The following MYH14 variants were observed in gnomAD, a reference collection of about 807,000 sequenced individuals.
The protein encoded by MYH14 is myosin heavy chain 14.
A neutral mutation model predicts 255.5 loss-of-function variants in MYH14; 123 were observed. The observed-to-expected ratio is 0.48, with a 90% CI of 0.42 to 0.56. The LOEUF (loss-of-function observed/expected upper bound fraction) is 0.56. Among genes scored for constraint, MYH14 ranks in the 20% least tolerant of loss-of-function variants. The probability of loss-of-function intolerance (pLI) is 0.00; values close to 1 mark genes in which losing one functional copy is unlikely to be tolerated. For synonymous variants in MYH14, 1,095 were observed against 1,161.2 expected (o/e 0.94, Z 1.16); for missense variants, 2,423 against 2,802.3 (o/e 0.86, Z 3.06).
intron 23 of MYH14, 61 bp from the exon 24 acceptor site, chr19:50,268,100 C>A: frequency 1.3e-6 from 2 of 1,511,346 alleles, no homozygotes; most frequent in South Asian, 1.2e-5. Flanking sequence ...CAGTAGGCAC[C>A]CAGTGCAGGT....
rs1360233657 is a variant in MYH14, at chr19:50,261,475, A to G, written c.2425A>G (p.Ile809Val). Residue 809 changes from isoleucine to valine, a missense_variant and splice_region_variant, in exon 21 of 43, where the codon ATC becomes GTC. Coordinates refer to ENST00000642316, the MANE Select transcript of MYH14 (RefSeq NM_001145809.2). ...ATCACCCCTCTCCCACCCCTCACAG[A>G]TCCAGGCGCTGGAACTGGACCCCAA... The part of the protein sequence containing the change: ...MDGKQACEKM[I>V]QALELDPNLY... 3 of 1,363,440 alleles carry G rather than the reference A, an allele frequency of 2.2e-6. No individual in the cohort carries two copies. The Admixed American group carries it at 7.9e-5, about 36-fold the overall frequency. 84.5% of individuals were successfully genotyped at this position (1,363,440 alleles called of 1,614,324 possible). A position where few individuals can be genotyped will look rare whatever the true frequency, so the allele number is the denominator to read the frequency against.
At chr19:50,212,343 T>G (rs1368023382) in intron 2 of MYH14, among the ~76,000 whole-genome samples, 1 of 152,142 alleles carries the variant, frequency 6.6e-6, no homozygotes, top group Non-Finnish European at 1.5e-5. Context: ...TTAGAGAGAT[T>G]GACAAGGAAT....
chr19:50,215,249 C>T (rs746962799), intron 2 of MYH14, among the ~76,000 whole-genome samples: 27 of 152,248 alleles, frequency 1.8e-4, no homozygotes, highest in Non-Finnish European at 2.6e-4. Flanking sequence ...TGGGTTCCTC[C>T]GCCAGCCAGG....
At chr19:50,261,682 T>G in intron 21 of MYH14, 47 bp downstream of exon 21, 1 of 1,528,106 alleles carries the variant, frequency 6.5e-7, no homozygotes, top group Non-Finnish European at 8.8e-7. Context: ...CGAGACTGGG[T>G]CAGGGAGGGG....
intron 24 of MYH14, 56 bp downstream of exon 24, chr19:50,268,423 T>C (rs1409539891): frequency 1.3e-6 from 2 of 1,508,042 alleles, no homozygotes; most frequent in Non-Finnish European, 1.8e-6. Context: ...GTCTACACCA[T>C]CCACCTTTGC....
chr19:50,235,157 A>C (rs2033601066), intron 10 of MYH14, among the ~76,000 whole-genome samples: 2 of 152,234 alleles, frequency 1.3e-5, no homozygotes, highest in South Asian at 4.1e-4. Flanking sequence ...CAGGAGTTCG[A>C]GACCAGCCTG....
At chr19:50,214,905 TA>T (rs2032391048) in intron 2 of MYH14, among the ~76,000 whole-genome samples, 1 of 152,204 alleles carries the variant, frequency 6.6e-6, no homozygotes, top group Admixed American at 6.5e-5. Flanking sequence ...GGCTGGTTTT[TA>T]TCCATGATCT....
In MYH14 at chr19:50,217,761, C is replaced by T. The variant is rs1371704376; in HGVS notation, c.552C>T (p.Ser184=). The T allele has an allele frequency of 1.9e-6, 3 of 1,613,524 alleles. No individual in the cohort carries two copies. Among genetic ancestry groups the T allele is most frequent in the Non-Finnish European group, 2.5e-6 (3 of 1,179,844 alleles). The part of the protein sequence containing the change: ...VYAVTEGAYR[S]MLQDREDQSI... ...CAGTGACCGAGGGGGCCTATCGGAGCATGCTGCAGGGTGAGTGCTGGGTGG... is the reference window on the plus strand; with the variant it reads ...CAGTGACCGAGGGGGCCTATCGGAGTATGCTGCAGGGTGAGTGCTGGGTGG... The change falls in exon 3 of 43, where the codon AGC becomes AGT. Residue 184 remains serine, a synonymous_variant. Transcript: ENST00000642316.
chr19:50,213,644 C>T (rs1227074430), intron 2 of MYH14, among the ~76,000 whole-genome samples: 1 of 152,134 alleles, frequency 6.6e-6, no homozygotes, highest in Non-Finnish European at 1.5e-5. Flanking sequence ...CTGCTGGGTG[C>T]TGTTCTAAAT....
At chr19:50,274,247 T>G (rs940277621) in intron 27 of MYH14, among the ~76,000 whole-genome samples, 2 of 152,140 alleles carry the variant, frequency 1.3e-5, no homozygotes, top group Non-Finnish European at 2.9e-5. Flanking sequence ...TTCAGTAGAT[T>G]TTGCCCATTC....
At chr19:50,240,422 T>G (rs2033845937) in intron 10 of MYH14, among the ~76,000 whole-genome samples, 1 of 151,772 alleles carries the variant, frequency 6.6e-6, no homozygotes, top group African/African-American at 2.4e-5. Flanking sequence ...GGACAAAACA[T>G]TTTTTTAAAT....
intron 2 of MYH14, among the ~76,000 whole-genome samples, chr19:50,217,143 T>C (rs955461804): frequency 3.9e-5 from 6 of 152,152 alleles, no homozygotes; most frequent in African/African-American, 1.4e-4. Flanking sequence ...AAATGGTAGC[T>C]CCTCACGCAG....
intron 33 of MYH14, among the ~76,000 whole-genome samples, chr19:50,282,769 G>GC (rs1187771888): frequency 2.6e-5 from 4 of 152,148 alleles, no homozygotes; most frequent in African/African-American, 7.2e-5. Flanking sequence ...GGTGCAGTAT[G>GC]TTTTTCTAGC....
intron 7 of MYH14, 46 bp downstream of exon 7, chr19:50,225,723 A>T: frequency 6.7e-7 from 1 of 1,482,130 alleles, no homozygotes; most frequent in Non-Finnish European, 9.4e-7. Flanking sequence ...GGGATACAGG[A>T]GCTGGGAACC....
chr19:50,286,916 A>G lies in MYH14; in HGVS notation c.4752+222A>G, dbSNP rs1963860. 0.36 allele frequency among the ~76,000 whole-genome samples: 54,461 copies of G among 152,012 alleles called. 10,721 individuals are homozygous for G. The highest frequency in any genetic ancestry group is 0.52 in the African/African-American group (21,525 of 41,428). ...GCGGATCACCTGAGGTCAGGAGCTCAAGACCAGCCTGGCCAATGTGGTGAA... is the reference window on the plus strand; with the variant it reads ...GCGGATCACCTGAGGTCAGGAGCTCGAGACCAGCCTGGCCAATGTGGTGAA... On this transcript the variant is annotated intron_variant, in intron 34 of 42. Transcript: ENST00000642316.
At chr19:50,212,978 G>A (rs1364266595) in intron 2 of MYH14, among the ~76,000 whole-genome samples, 1 of 151,984 alleles carries the variant, frequency 6.6e-6, no homozygotes, top group African/African-American at 2.4e-5. Context: ...TTTGAGACAG[G>A]GTCTCACTCT....
rs1009557995 is a variant in MYH14, at chr19:50,266,499, C to A, written c.2695-378C>A. ...GCTTGAACCTGGGAGGCAGAGGTTG[C>A]AGTGAGCCGAGATCCCACCACTGCA... On this transcript the variant is annotated intron_variant, in intron 22 of 42. Coordinates refer to ENST00000642316, the MANE Select transcript of MYH14 (RefSeq NM_001145809.2). The surrounding 1 kb of genome is among the most constrained non-coding windows in gnomAD (Gnocchi z 4.1). Among the ~76,000 whole-genome samples the A allele has an allele frequency of 2.0e-5, 3 of 152,064 alleles. No individual in the cohort carries two copies. Among genetic ancestry groups the A allele is most frequent in the Non-Finnish European group, 4.4e-5 (3 of 68,024 alleles).
intron 6 of MYH14, chr19:50,224,789 G>A: frequency 2.2e-6 from 1 of 456,400 alleles, no homozygotes; most frequent in Non-Finnish European, 4.4e-6. Context: ...CTTTACATAG[G>A]TGGTACAGAT....
chr19:50,207,256 A>AG (rs2031824724), intron 1 of MYH14, among the ~76,000 whole-genome samples: 6 of 135,606 alleles, frequency 4.4e-5, no homozygotes, highest in Admixed American at 7.9e-5. Context: ...AGAGAGAGAG[A>AG]AAGAGAGAGA....
Sources: allele counts gnomAD v4.1 joint callset (sites outside exome capture counted in the v4.1 genomes callset), GRCh38; gene constraint gnomAD v4.1.1; non-coding constraint Gnocchi (gnomAD v3.1); transcripts MANE v1.5; gene names NCBI Gene and HGNC (gene_info 2026-07-23, HGNC 2026-07-21).